Variants in GPC1 observed in about 807,000 individuals in gnomAD.
The protein encoded by GPC1 is glypican-1.
A neutral mutation model predicts 51.5 loss-of-function variants in GPC1; 26 were observed. That is an observed-to-expected ratio of 0.50 (90% confidence interval 0.37 to 0.70). GPC1 has a LOEUF of 0.70. Ranked by LOEUF, GPC1 falls within the 30% of genes least tolerant of loss-of-function variation. The pLI is 0.00. For missense variants in GPC1, 775 were observed against 800.5 expected, an observed-to-expected ratio of 0.97 and a Z score of 0.38; for synonymous variants, 380 against 348.3, an observed-to-expected ratio of 1.09 and a Z score of -1.01.
chr2:240,436,537 G>A (rs909441766), intron 1 of GPC1, among the ~76,000 whole-genome samples: 9 of 152,210 alleles, frequency 5.9e-5, no homozygotes, highest in Non-Finnish European at 1.2e-4. Flanking sequence ...CGCCGCTGAC[G>A]GTGGCCGCGG....
rs1559205343 is a variant in GPC1, at chr2:240,467,287, G to A, written c.*997G>A. 2 of 152,326 alleles carry A rather than the reference G, an allele frequency of 1.3e-5. No homozygotes were observed. Among genetic ancestry groups the A allele is most frequent in the Admixed American group, 1.3e-4 (2 of 15,292 alleles). 9.4% of individuals were successfully genotyped at this position (152,326 alleles called of 1,614,324 possible). On this transcript the variant is annotated 3_prime_UTR_variant, in exon 9 of 9. Transcript: ENST00000264039. ...GCTGGTGAGACCCCGCACTGCAGAC[G>A]GGAATGCCTAGGTCCCTTCCCGACC...
In GPC1 at chr2:240,435,987, G is replaced by T; in HGVS notation, c.69G>T (p.Gly23=). The T allele has an allele frequency of 1.5e-6, 2 of 1,373,634 alleles. No individual in the cohort carries two copies. The highest frequency in any genetic ancestry group is 1.9e-6 in the Non-Finnish European group (2 of 1,060,384). The allele number at this position is 1,373,634 out of a possible 1,614,324, so 85.1% of individuals were successfully genotyped here. The change falls in exon 1 of 9, where the codon GGG becomes GGT. Residue 23 remains glycine, a synonymous_variant. Coordinates refer to ENST00000264039, the MANE Select transcript of GPC1 (RefSeq NM_002081.3). ...CAGCGCTGGTCGCCTGCGCCCGCGG[G>T]GACCCGGCCAGCAAGAGCCGGAGCT... is the stretch of plus-strand genomic sequence containing the variant. ...AAAALVACAR[G]DPASKSRSCG...
intron 1 of GPC1, among the ~76,000 whole-genome samples, chr2:240,437,307 G>A (rs2073990299): frequency 1.3e-5 from 2 of 152,268 alleles, no homozygotes; most frequent in African/African-American, 2.4e-5. Flanking sequence ...GCCCCTCCAG[G>A]AGGAACAGAA....
chr2:240,455,247 C>CA lies in GPC1; in HGVS notation c.167-3776dup, dbSNP rs543756222. 1.8e-4 allele frequency among the ~76,000 whole-genome samples: 27 copies of CA among 152,184 alleles called. 1 individual carries two copies. In the South Asian group the frequency reaches 5.6e-3, roughly 32 times the overall value. On this transcript the variant is annotated intron_variant, in intron 1 of 8. Coordinates refer to ENST00000264039, the MANE Select transcript of GPC1 (RefSeq NM_002081.3). ...TTAAACAAATAATCCCCTTCCCCCC[C>CA]AAAAAAATCCTCAGAGCACTGGGGA...
intron 4 of GPC1, 159 bp downstream of exon 4, chr2:240,463,671 G>T (rs2074236373): frequency 1.6e-6 from 1 of 623,792 alleles, no homozygotes. Flanking sequence ...CAGGGTTGAG[G>T]GGCCAGGGTG....
chr2:240,437,764 C>G (rs949221072), intron 1 of GPC1, among the ~76,000 whole-genome samples: 7 of 152,120 alleles, frequency 4.6e-5, no homozygotes, highest in Non-Finnish European at 8.8e-5. Flanking sequence ...GAACCCTGCT[C>G]CTTTGGAAAC....
chr2:240,443,346 A>T (rs954945447), intron 1 of GPC1, among the ~76,000 whole-genome samples: 2 of 152,076 alleles, frequency 1.3e-5, no homozygotes, highest in Non-Finnish European at 2.9e-5. Flanking sequence ...GGGTTTGGAG[A>T]TGTAGAGATG....
chr2:240,459,918 A>G (rs1559201319), intron 2 of GPC1, among the ~76,000 whole-genome samples: 1 of 152,080 alleles, frequency 6.6e-6, no homozygotes, highest in Non-Finnish European at 1.5e-5. Context: ...GGGCTGAGGT[A>G]CTGCCCCTGT....
chr2:240,450,311 G>C (rs775411355), intron 1 of GPC1: 5 of 335,464 alleles, frequency 1.5e-5, no homozygotes, highest in Non-Finnish European at 2.9e-5. Flanking sequence ...GGGCTTGTCA[G>C]CTCCTGCTTC....
chr2:240,461,171 G>A (rs564768930), intron 2 of GPC1, among the ~76,000 whole-genome samples: 7 of 152,212 alleles, frequency 4.6e-5, no homozygotes, highest in African/African-American at 1.7e-4. Flanking sequence ...ACACTGGACA[G>A]CTGTGTGGCC....
chr2:240,453,655 C>T (rs1191534138), intron 1 of GPC1, among the ~76,000 whole-genome samples: 1 of 149,704 alleles, frequency 6.7e-6, no homozygotes, highest in East Asian at 2.0e-4. Flanking sequence ...CGCCCGCCCC[C>T]TTCCCTCCCC....
At chr2:240,440,447 C>T (rs909815098) in intron 1 of GPC1, among the ~76,000 whole-genome samples, 2 of 152,228 alleles carry the variant, frequency 1.3e-5, no homozygotes, top group Non-Finnish European at 2.9e-5. Flanking sequence ...CTCTGCACTT[C>T]TTGGAAGGCT....
intron 1 of GPC1, among the ~76,000 whole-genome samples, chr2:240,439,003 C>T (rs1229743245): frequency 3.9e-5 from 6 of 152,320 alleles, no homozygotes; most frequent in South Asian, 4.1e-4. Flanking sequence ...AATCACTGCC[C>T]GCGTGCCAGC....
At chr2:240,447,603 G>A (rs1050719529) in intron 1 of GPC1, among the ~76,000 whole-genome samples, 14 of 152,206 alleles carry the variant, frequency 9.2e-5, no homozygotes, top group Admixed American at 3.3e-4. Context: ...CCTGGTGGCC[G>A]TCGTCTTAGC....
intron 1 of GPC1, chr2:240,457,937 A>G (rs1006713767): frequency 2.2e-5 from 9 of 417,446 alleles, no homozygotes; most frequent in Admixed American, 1.9e-4. Context: ...CCCTCTGACC[A>G]AGCCAGGCTC....
intron 8 of GPC1, among the ~76,000 whole-genome samples, 191 bp downstream of exon 8, chr2:240,465,839 G>A (rs2074256938): frequency 6.6e-6 from 1 of 152,244 alleles, no homozygotes; most frequent in Admixed American, 6.5e-5. Flanking sequence ...TGGAGGCCTG[G>A]CCGGGATGTC....
intron 1 of GPC1, chr2:240,458,030 G>A (rs1185359762): frequency 4.2e-6 from 2 of 470,776 alleles, no homozygotes; most frequent in Non-Finnish European, 8.8e-6. Flanking sequence ...AGAAGGAACA[G>A]TGTGGCCCCG....
chr2:240,466,120 G>A lies in GPC1; in HGVS notation c.1507G>A (p.Val503Ile). The A allele has an allele frequency of 1.2e-6, 2 of 1,612,974 alleles. No homozygotes were observed. The highest frequency in any genetic ancestry group is 1.7e-6 in the Non-Finnish European group (2 of 1,179,902). ...GCLDDLCSRK[V>I]SRKSSSSRTP... ...TCTGGATGACCTCTGCAGCCGGAAG[G>A]TCAGCAGGAAGAGCTCCAGCTCCCG... The change falls in exon 9 of 9, where the codon GTC becomes ATC. Residue 503 changes from valine to isoleucine, a missense_variant. Coordinates refer to ENST00000264039, the MANE Select transcript of GPC1 (RefSeq NM_002081.3).
Position 240,448,833 on chromosome 2 carries a change from TG to T in GPC1, c.167-10194del, listed in dbSNP as rs1168944358. ...GGTTTCAGCAGCACCTGGCCAGCAA[TG>T]GGATAGTCAGGCCAGCGAGGGTGGC... is the stretch of plus-strand genomic sequence containing the variant. On this transcript the variant is annotated intron_variant, in intron 1 of 8. Coordinates refer to ENST00000264039, the MANE Select transcript of GPC1 (RefSeq NM_002081.3). This position sits in a 1 kb window ranked among gnomAD's most constrained non-coding sequence, Gnocchi z 4.5. Among the ~76,000 whole-genome samples the T allele has an allele frequency of 1.3e-5, 2 of 151,932 alleles. No homozygotes were observed. Among genetic ancestry groups the T allele is most frequent in the Admixed American group, 6.5e-5 (1 of 15,272 alleles).
Sources: gnomAD v4.1 joint callset for allele counts (sites outside exome capture counted in the v4.1 genomes callset) on GRCh38, gnomAD v4.1.1 for gene constraint, Gnocchi (gnomAD v3.1) non-coding constraint, MANE v1.5 for transcripts, NCBI Gene and HGNC (gene_info 2026-07-23, HGNC 2026-07-21) for gene names.